PMFBP1: variants seen among roughly 807,000 people sequenced by gnomAD.
PMFBP1 encodes polyamine-modulated factor 1-binding protein 1.
A neutral mutation model predicts 137.8 loss-of-function variants in PMFBP1; 131 were observed. That is an observed-to-expected ratio of 0.95 (90% CI 0.82 to 1.10). The LOEUF is 1.10. PMFBP1 is among the 50% of genes least tolerant of loss of function. The pLI is 0.00. For missense variants in PMFBP1, 1,199 were observed against 1,175.4 expected (o/e 1.02, Z -0.29); for synonymous variants, 490 against 450.4 (o/e 1.09, Z -1.11).
At chr16:72,200,551 C>T in the PMFBP1 span, among the ~76,000 whole-genome samples, 2 of 152,288 alleles carry the variant, frequency 1.3e-5, no homozygotes, top group South Asian at 4.1e-4. Flanking sequence ...TAGCCTCCTA[C>T]AGAGGAAAGA....
chr16:72,122,874 A>C (rs1191108109), intron 19 of PMFBP1, 40 bp downstream of exon 19: 1 of 1,583,084 alleles, frequency 6.3e-7, no homozygotes, highest in Admixed American at 1.7e-5. Flanking sequence ...CCTTCTTGTC[A>C]GCTCCCAGGA....
downstream of PMFBP1, among the ~76,000 whole-genome samples, chr16:72,118,224 A>G (rs1001172142): frequency 2.6e-5 from 4 of 152,252 alleles, no homozygotes; most frequent in African/African-American, 4.8e-5. Context: ...AGATTTTTCA[A>G]TCTTTGTTTT....
rs2042701730 is a variant in PMFBP1, at chr16:72,140,513, G to T, written c.706C>A (p.Gln236Lys). ...TCAGACAGTCGTTTCTGAGTCTCCT[G>T]ATGCTCTTGAATCATGCAAGGAGAA... ...YTSPCMIQEHQETQKRLSEVW... is the reference protein window; with the variant it reads ...YTSPCMIQEHKETQKRLSEVW... The change falls in exon 6 of 21, where the codon CAG becomes AAG. Residue 236 changes from glutamine (Q) to lysine (K), a missense_variant. Physicochemically the swap from Gln to Lys is moderately conservative, Grantham distance 53 (BLOSUM62 1). Transcript: ENST00000237353. 1.2e-6 allele frequency: 2 copies of T among 1,613,036 alleles called. No homozygotes were observed. The highest frequency in any genetic ancestry group is 1.7e-6 in the Non-Finnish European group (2 of 1,179,026).
chr16:72,196,720 GAATCTCCAGGAC>G, the PMFBP1 span, among the ~76,000 whole-genome samples: 3 of 152,172 alleles, frequency 2.0e-5, no homozygotes, highest in African/African-American at 7.2e-5. Context: ...CTCCACTGGG[GAATCTCCAGGAC>G]CACAACCATC....
intron 2 of PMFBP1, 131 bp downstream of exon 2, chr16:72,171,066 T>C: frequency 1.9e-6 from 2 of 1,057,998 alleles, no homozygotes; most frequent in Non-Finnish European, 1.4e-6. Flanking sequence ...TTAAACACGA[T>C]GCTCTGCTGC....
chr16:72,207,990 T>C, the PMFBP1 span, among the ~76,000 whole-genome samples: 1 of 152,124 alleles, frequency 6.6e-6, no homozygotes, highest in Non-Finnish European at 1.5e-5. Flanking sequence ...AAAAAGCCAA[T>C]GTCCCAGCTC....
At chr16:72,229,647 A>G in the PMFBP1 span, among the ~76,000 whole-genome samples, 1 of 151,970 alleles carries the variant, frequency 6.6e-6, no homozygotes, top group African/African-American at 2.4e-5. Context: ...GCCTGTGTGT[A>G]TGCCTTCTTT....
chr16:72,168,871 T>G (rs998178231), intron 2 of PMFBP1, among the ~76,000 whole-genome samples: 4 of 152,234 alleles, frequency 2.6e-5, no homozygotes, highest in African/African-American at 7.2e-5. Flanking sequence ...AAATTTTCTG[T>G]ATTGATTAAA....
At position 72,119,912 on chromosome 16, in the gene PMFBP1, C is replaced by T. The variant is rs776133756; in HGVS notation, c.2946G>A (p.Leu982=). ...KVCGTLGWKG[L]PQDMGQRMDL... is the part of the protein sequence containing the mutation. Reference sequence around the variant, plus strand: ...CCATTCTTTGACCCATATCCTGGGGCAACCCCTTCCAGCCCAAGGTGCCGC... The same window carrying T: ...CCATTCTTTGACCCATATCCTGGGGTAACCCCTTCCAGCCCAAGGTGCCGC... Residue 982 remains leucine (L), a synonymous_variant, in exon 20 of 21, where the codon TTG becomes TTA. Coordinates refer to ENST00000237353, the MANE Select transcript of PMFBP1 (RefSeq NM_031293.3). 9 of 1,614,110 alleles carry T rather than the reference C, an allele frequency of 5.6e-6. No individual in the cohort carries two copies. The Admixed American group carries it at 1.5e-4, about 27-fold the overall frequency.
At chr16:72,218,764 G>A in the PMFBP1 span, among the ~76,000 whole-genome samples, 1 of 152,132 alleles carries the variant, frequency 6.6e-6, no homozygotes, top group African/African-American at 2.4e-5. Flanking sequence ...AGTTCACTAG[G>A]CATCTACCAT....
the PMFBP1 span, among the ~76,000 whole-genome samples, chr16:72,243,300 C>A: frequency 1.3e-5 from 2 of 152,240 alleles, no homozygotes; most frequent in Non-Finnish European, 2.9e-5. Flanking sequence ...AATGAGGCAC[C>A]AAGTGAATGC....
At chr16:72,173,288 T>C (rs1041962160), upstream of PMFBP1, among the ~76,000 whole-genome samples, 2 of 152,230 alleles carry the variant, frequency 1.3e-5, no homozygotes, top group African/African-American at 4.8e-5. Context: ...ATACAAAAAG[T>C]TGTAATGGAA....
intron 4 of PMFBP1, among the ~76,000 whole-genome samples, chr16:72,152,461 C>A (rs1053455769): frequency 1.3e-5 from 2 of 152,136 alleles, no homozygotes; most frequent in African/African-American, 4.8e-5. Flanking sequence ...GGTGTTGTGG[C>A]TTCCGGAAAG....
the PMFBP1 span, among the ~76,000 whole-genome samples, chr16:72,195,077 T>A: frequency 2.6e-5 from 4 of 152,200 alleles, no homozygotes; most frequent in Non-Finnish European, 4.4e-5. Context: ...TGTTCGGGTC[T>A]CCCTTGACAG....
chr16:72,245,342 T>C, the PMFBP1 span, among the ~76,000 whole-genome samples: 1 of 152,332 alleles, frequency 6.6e-6, no homozygotes, highest in African/African-American at 2.4e-5. Context: ...ACTTCCATTT[T>C]ACAGGTGGGG....
At chr16:72,132,683 G>A (rs748210712) in intron 10 of PMFBP1, 65 bp downstream of exon 10, 1 of 1,596,768 alleles carries the variant, frequency 6.3e-7, no homozygotes, top group Non-Finnish European at 8.5e-7. Flanking sequence ...AGAGAAGGTG[G>A]CTGCTCTAGG....
intron 2 of PMFBP1, among the ~76,000 whole-genome samples, chr16:72,166,925 T>C (rs1007679801): frequency 2.6e-5 from 4 of 152,148 alleles, no homozygotes; most frequent in Non-Finnish European, 5.9e-5. Context: ...TGCATGGAAA[T>C]AGTGAAGGGA....
chr16:72,229,045 T>A, the PMFBP1 span, among the ~76,000 whole-genome samples: 2 of 152,162 alleles, frequency 1.3e-5, no homozygotes, highest in East Asian at 3.9e-4. Flanking sequence ...TATTGTTCCC[T>A]TCTTTATGTC....
the PMFBP1 span, among the ~76,000 whole-genome samples, chr16:72,228,258 A>C: frequency 6.6e-6 from 1 of 152,128 alleles, no homozygotes; most frequent in South Asian, 2.1e-4. Context: ...CACTGGGAGG[A>C]ATTTTGGCCT....
Sources: allele counts gnomAD v4.1 joint callset (sites outside exome capture counted in the v4.1 genomes callset), GRCh38; gene constraint gnomAD v4.1.1; transcripts MANE v1.5; gene names NCBI Gene and HGNC (gene_info 2026-07-23, HGNC 2026-07-21).